CSGALNACT1: variants seen among roughly 807,000 people sequenced by gnomAD.
CSGALNACT1 encodes the protein beta4GalNAcT-1.
CSGALNACT1 carries 52 observed loss-of-function variants against 51.0 expected under a neutral mutation model. The ratio of observed to expected loss-of-function variants is 1.02; its 90% CI spans 0.82 to 1.29. The LOEUF (loss-of-function observed/expected upper bound fraction) is 1.29, where lower values mean the gene tolerates loss of function less well. Among genes scored for constraint, CSGALNACT1 ranks in the 50% most tolerant of loss-of-function variants. The probability of loss-of-function intolerance (pLI) is 0.00; values close to 1 mark genes in which losing one functional copy is unlikely to be tolerated. For missense variants in CSGALNACT1, 935 were observed against 679.2 expected, an observed-to-expected ratio of 1.38 and a Z score of -4.19; for synonymous variants, 341 against 254.4, an observed-to-expected ratio of 1.34 and a Z score of -3.24.
At chr8:19,666,825 G>GAA (rs2059257284) in intron 1 of CSGALNACT1, among the ~76,000 whole-genome samples, 9 of 48,304 alleles carry the variant, frequency 1.9e-4, no homozygotes, top group East Asian at 1.2e-3. Context: ...GAGAGAGAGA[G>GAA]AGAGAGAGAA....
intron 4 of CSGALNACT1, among the ~76,000 whole-genome samples, chr8:19,459,281 G>T (rs1000453334): frequency 7.9e-5 from 12 of 151,296 alleles, no homozygotes; most frequent in Non-Finnish European, 1.6e-4. Flanking sequence ...TACTTGGGAG[G>T]CTGAGGCAGG....
chr8:19,484,642 G>C (rs1586959022), intron 4 of CSGALNACT1, among the ~76,000 whole-genome samples: 1 of 152,194 alleles, frequency 6.6e-6, no homozygotes, highest in Admixed American at 6.5e-5. Context: ...CAGATTCCCA[G>C]ATACCAAAGT....
At chr8:19,705,083 G>A in intron 1 of CSGALNACT1, among the ~76,000 whole-genome samples, 1 of 152,168 alleles carries the variant, frequency 6.6e-6, no homozygotes, top group Non-Finnish European at 1.5e-5. Flanking sequence ...TTAAGTATTT[G>A]CACCACAAAA....
chr8:19,715,994 C>T (rs747066645), intron 1 of CSGALNACT1, among the ~76,000 whole-genome samples: 3 of 152,156 alleles, frequency 2.0e-5, no homozygotes, highest in Non-Finnish European at 4.4e-5. Context: ...TCAATCCATG[C>T]TTGTCAGCCT....
At chr8:19,665,439 A>C (rs985608050) in intron 1 of CSGALNACT1, among the ~76,000 whole-genome samples, 3 of 151,198 alleles carry the variant, frequency 2.0e-5, no homozygotes, top group African/African-American at 4.9e-5. Flanking sequence ...TCCGGGGCCA[A>C]AACTCAGAAG....
At chr8:19,509,051 A>G (rs564025365) in intron 3 of CSGALNACT1, among the ~76,000 whole-genome samples, 1 of 152,256 alleles carries the variant, frequency 6.6e-6, no homozygotes, top group African/African-American at 2.4e-5. Flanking sequence ...ACAAAAAGTC[A>G]TAAGAACTGC....
At chr8:19,478,350 C>A (rs1262325022) in intron 4 of CSGALNACT1, among the ~76,000 whole-genome samples, 1 of 139,782 alleles carries the variant, frequency 7.2e-6, no homozygotes, top group Non-Finnish European at 1.5e-5. Flanking sequence ...GGAGGCGGAG[C>A]TTGCAGTGAG....
intron 1 of CSGALNACT1, among the ~76,000 whole-genome samples, chr8:19,635,754 G>C (rs960589953): frequency 1.3e-5 from 2 of 152,150 alleles, no homozygotes; most frequent in African/African-American, 4.8e-5. Flanking sequence ...TTGAGACGGA[G>C]TCTTGCTCTG....
exon 10 of CSGALNACT1, chr8:19,404,788 C>T (rs758910219): frequency 1.2e-4 from 55 of 454,390 alleles, no homozygotes; most frequent in South Asian, 5.4e-4. Flanking sequence ...AGGTACATCA[C>T]GATATCACCA....
intron 3 of CSGALNACT1, among the ~76,000 whole-genome samples, chr8:19,577,433 C>T (rs907994742): frequency 2.8e-5 from 4 of 144,094 alleles, no homozygotes; most frequent in Admixed American, 6.7e-5. Flanking sequence ...TGGTGGCGCA[C>T]ATCTGTAGTC....
At chr8:19,679,592 T>G (rs1196062064) in intron 1 of CSGALNACT1, among the ~76,000 whole-genome samples, 2 of 152,200 alleles carry the variant, frequency 1.3e-5, no homozygotes, top group African/African-American at 4.8e-5. Context: ...TAGCCACCTT[T>G]AAAAAGCTAG....
chr8:19,734,854 A>G (rs1038111780), intron 1 of CSGALNACT1, among the ~76,000 whole-genome samples: 1 of 152,114 alleles, frequency 6.6e-6, no homozygotes, highest in Non-Finnish European at 1.5e-5. Context: ...GTGTATGTAT[A>G]TTATAAATAT....
intron 1 of CSGALNACT1, among the ~76,000 whole-genome samples, chr8:19,747,525 C>G (rs1006170674): frequency 6.6e-6 from 1 of 152,150 alleles, no homozygotes; most frequent in African/African-American, 2.4e-5. Context: ...AATATGTTCT[C>G]TACTAAGGAA....
intron 5 of CSGALNACT1, among the ~76,000 whole-genome samples, chr8:19,452,643 A>ATGAGCAAG (rs537739909): frequency 3.9e-5 from 6 of 152,188 alleles, no homozygotes; most frequent in South Asian, 2.1e-4. Context: ...GCTGCTGAAG[A>ATGAGCAAG]TGAGCAAGTG....
upstream of CSGALNACT1, among the ~76,000 whole-genome samples, chr8:19,683,440 A>C (rs1407742902): frequency 6.6e-6 from 1 of 152,224 alleles, no homozygotes; most frequent in Non-Finnish European, 1.5e-5. Context: ...TAGAATTACT[A>C]AGAGTTTGGT....
intron 1 of CSGALNACT1, among the ~76,000 whole-genome samples, chr8:19,689,199 CTG>C (rs1190047856): frequency 6.6e-6 from 1 of 152,184 alleles, no homozygotes; most frequent in Non-Finnish European, 1.5e-5. Flanking sequence ...TCATAAAAGA[CTG>C]TATTATAGTT....
intron 4 of CSGALNACT1, among the ~76,000 whole-genome samples, chr8:19,487,806 C>T (rs2073348505): frequency 6.6e-6 from 1 of 152,110 alleles, no homozygotes; most frequent in South Asian, 2.1e-4. Flanking sequence ...ATCATGAAAT[C>T]ATTGAGCTCT....
intron 1 of CSGALNACT1, among the ~76,000 whole-genome samples, chr8:19,706,418 G>C (rs2062168375): frequency 6.6e-6 from 1 of 152,212 alleles, no homozygotes; most frequent in African/African-American, 2.4e-5. Context: ...TAAGAGAGCA[G>C]TGGAGCCACG....
At chr8:19,497,072 G>C (rs2075617682) in intron 4 of CSGALNACT1, among the ~76,000 whole-genome samples, 1 of 152,162 alleles carries the variant, frequency 6.6e-6, no homozygotes, top group Non-Finnish European at 1.5e-5. Flanking sequence ...TGAAAACTAA[G>C]TGCAGCTGAG....
Sources: allele counts gnomAD v4.1 joint callset (sites outside exome capture counted in the v4.1 genomes callset), GRCh38; gene constraint gnomAD v4.1.1; transcripts MANE v1.5; gene names NCBI Gene and HGNC (gene_info 2026-07-23, HGNC 2026-07-21).